TEX9: variants seen among roughly 807,000 people sequenced by gnomAD.
TEX9 encodes testis expressed 9.
Under a neutral mutation model 59.6 loss-of-function variants are expected in TEX9, and 74 were observed. The ratio of observed to expected loss-of-function variants is 1.24; its 90% CI spans 1.03 to 1.51. The LOEUF (loss-of-function observed/expected upper bound fraction) is 1.51, where lower values mean the gene tolerates loss of function less well. Ranked by LOEUF, TEX9 falls within the 40% of genes most tolerant of loss-of-function variation. The pLI, the probability that TEX9 is intolerant of heterozygous loss-of-function variation, is 0.00. For missense variants in TEX9, 522 were observed against 447.8 expected, an observed-to-expected ratio of 1.17 and a Z score of -1.49; for synonymous variants, 186 against 152.2, an observed-to-expected ratio of 1.22 and a Z score of -1.64.
At chr15:56,258,616 C>T (rs912823786) in intron 1 of TEX9, among the ~76,000 whole-genome samples, 10 of 151,684 alleles carry the variant, frequency 6.6e-5, no homozygotes, top group South Asian at 2.1e-4. Flanking sequence ...GGAATGCTAG[C>T]GATTTTTGCA....
chr15:56,399,018 T>C (rs958996528), intron 9 of TEX9, among the ~76,000 whole-genome samples: 1 of 152,198 alleles, frequency 6.6e-6, no homozygotes, highest in Admixed American at 6.5e-5. Flanking sequence ...GGAACAGCTC[T>C]GGTCTGTAGC....
intron 9 of TEX9, among the ~76,000 whole-genome samples, chr15:56,403,473 A>G (rs1372451552): frequency 6.6e-6 from 1 of 152,250 alleles, no homozygotes; most frequent in Non-Finnish European, 1.5e-5. Context: ...TGCTCAATGA[A>G]ATAAAAGAGG....
chr15:56,344,528 G>T (rs971803214), intron 1 of TEX9, among the ~76,000 whole-genome samples: 1 of 152,106 alleles, frequency 6.6e-6, no homozygotes, highest in East Asian at 1.9e-4. Context: ...AATGGGAAGT[G>T]AGTCTTAATG....
rs187305989 is a variant in TEX9 at position 56,315,910 on chromosome 15, A to G, written c.-106-57531A>G. Among the ~76,000 whole-genome samples the G allele has an allele frequency of 7.1e-3, 1,066 of 151,168 alleles. 14 individuals are homozygous for G. The highest frequency in any genetic ancestry group is 0.023 in the African/African-American group (970 of 41,330). On this transcript the variant is annotated intron_variant, in intron 1 of 5. Coordinates refer to the TEX9 transcript ENST00000560827. The stretch of plus-strand genomic sequence containing the variant: ...CTTCATTTTATTCATTTCATCTTCC[A>G]TCGCTGATACCCTTTCTTCCAGTTG...
chr15:56,286,432 C>T (rs2044955292), intron 1 of TEX9, among the ~76,000 whole-genome samples: 1 of 152,082 alleles, frequency 6.6e-6, no homozygotes, highest in African/African-American at 2.4e-5. Context: ...AGGGCGGCAG[C>T]AGAGAGAAAG....
intron 1 of TEX9, among the ~76,000 whole-genome samples, chr15:56,320,271 A>G (rs1295222561): frequency 3.3e-5 from 5 of 152,174 alleles, no homozygotes; most frequent in Non-Finnish European, 5.9e-5. Flanking sequence ...TTATACCTCT[A>G]TGTTAGTCAG....
intron 10 of TEX9, among the ~76,000 whole-genome samples, chr15:56,413,235 TAC>T (rs1567133675): frequency 7.3e-6 from 1 of 136,138 alleles, no homozygotes; most frequent in African/African-American, 2.8e-5. Context: ...ATTTATTTAA[TAC>T]TTAAATAATT....
intron 1 of TEX9, among the ~76,000 whole-genome samples, chr15:56,340,342 T>C (rs1269421115): frequency 2.0e-5 from 3 of 152,186 alleles, no homozygotes; most frequent in African/African-American, 7.2e-5. Flanking sequence ...AATACTCTAT[T>C]TATTACCTGA....
chr15:56,332,713 G>GA (rs1160767520), intron 1 of TEX9, among the ~76,000 whole-genome samples: 18 of 150,664 alleles, frequency 1.2e-4, no homozygotes, highest in Admixed American at 1.1e-3. Context: ...AAATTGAAAT[G>GA]AAAAAACATC....
intron 1 of TEX9, among the ~76,000 whole-genome samples, chr15:56,274,377 T>A (rs1468270027): frequency 6.6e-6 from 1 of 152,238 alleles, no homozygotes; most frequent in Non-Finnish European, 1.5e-5. Context: ...TTGTTAATTT[T>A]TTCCCACTAG....
chr15:56,386,890 C>G (rs1468615455), intron 4 of TEX9, among the ~76,000 whole-genome samples: 3 of 151,574 alleles, frequency 2.0e-5, no homozygotes, highest in Admixed American at 2.0e-4. Flanking sequence ...TTGGGAATTC[C>G]TGAATATGGG....
At chr15:56,333,004 G>C (rs527537890) in intron 1 of TEX9, among the ~76,000 whole-genome samples, 1 of 152,214 alleles carries the variant, frequency 6.6e-6, no homozygotes, top group South Asian at 2.1e-4. Context: ...TCAATAACAA[G>C]TAACAAGCTG....
chr15:56,349,477 C>T (rs1003937279), intron 1 of TEX9, among the ~76,000 whole-genome samples: 3 of 152,136 alleles, frequency 2.0e-5, no homozygotes, highest in Non-Finnish European at 4.4e-5. Flanking sequence ...CAAATTTGCT[C>T]TCATGTTCTT....
intron 1 of TEX9, among the ~76,000 whole-genome samples, chr15:56,299,154 C>T (rs1044649773): frequency 7.9e-5 from 12 of 152,188 alleles, no homozygotes; most frequent in Non-Finnish European, 1.8e-4. Flanking sequence ...TAATTGCTGA[C>T]GCCACCCCTC....
chr15:56,312,356 T>TA (rs2045642432), intron 1 of TEX9, among the ~76,000 whole-genome samples: 1 of 143,530 alleles, frequency 7.0e-6, no homozygotes, highest in South Asian at 2.3e-4. Context: ...TTCAGCTTTC[T>TA]ACATATGGCT....
At chr15:56,251,494 T>C (rs1183191939) in intron 1 of TEX9, among the ~76,000 whole-genome samples, 3 of 152,180 alleles carry the variant, frequency 2.0e-5, no homozygotes, top group African/African-American at 7.2e-5. Flanking sequence ...AGGAAGATGT[T>C]AGTAATTAGC....
chr15:56,281,938 C>T (rs1460724679), intron 1 of TEX9, among the ~76,000 whole-genome samples: 1 of 152,198 alleles, frequency 6.6e-6, no homozygotes, highest in Non-Finnish European at 1.5e-5. Flanking sequence ...TGAACCAGAA[C>T]ATCAACTTCT....
chr15:56,428,453 C>A, exon 12 of TEX9: 1 of 1,596,612 alleles, frequency 6.3e-7, no homozygotes, highest in Non-Finnish European at 8.6e-7. Flanking sequence ...AAGTGATCTA[C>A]TTCAGTTAGT....
intron 1 of TEX9, among the ~76,000 whole-genome samples, chr15:56,350,503 A>T (rs1264189786): frequency 6.6e-6 from 1 of 152,236 alleles, no homozygotes; most frequent in East Asian, 1.9e-4. Flanking sequence ...GAAGGTAGCC[A>T]TATTGTGGGC....
Sources: gnomAD v4.1 joint callset for allele counts (sites outside exome capture counted in the v4.1 genomes callset) on GRCh38, gnomAD v4.1.1 for gene constraint, MANE v1.5 for transcripts, NCBI Gene and HGNC (gene_info 2026-07-23, HGNC 2026-07-21) for gene names.